TNS1: variants seen among roughly 807,000 people sequenced by gnomAD.
TNS1 encodes tensin-1.
TNS1 carries 62 observed loss-of-function variants against 168.6 expected under a neutral mutation model. That is an observed-to-expected ratio of 0.37 (90% confidence interval 0.30 to 0.45). TNS1 has a LOEUF of 0.45. Ranked by LOEUF, TNS1 falls within the 20% of genes least tolerant of loss-of-function variation. The probability of loss-of-function intolerance (pLI) is 1.00; values close to 1 mark genes in which losing one functional copy is unlikely to be tolerated. For synonymous variants in TNS1, 934 were observed against 933.2 expected, an observed-to-expected ratio of 1.00 and a Z score of -0.02; for missense variants, 2,240 against 2,339.4, an observed-to-expected ratio of 0.96 and a Z score of 0.88.
chr2:218,011,297 A>T (rs1280215956), upstream of TNS1, among the ~76,000 whole-genome samples: 1 of 152,130 alleles, frequency 6.6e-6, no homozygotes, highest in Non-Finnish European at 1.5e-5. Context: ...CTAGAGAGAG[A>T]TGGGGAGAGA....
intron 3 of TNS1, 25 bp from the exon 4 acceptor site, chr2:217,920,261 AG>A: frequency 1.4e-6 from 1 of 703,012 alleles, no homozygotes; most frequent in Non-Finnish European, 2.6e-6. Context: ...GAGAACGGGC[AG>A]GTGAGCATAT....
intron 3 of TNS1, among the ~76,000 whole-genome samples, chr2:217,974,496 G>A (rs941064134): frequency 2.0e-5 from 3 of 152,106 alleles, no homozygotes; most frequent in African/African-American, 4.8e-5. Context: ...GGTACTATTC[G>A]GGAAGCTGGG....
At chr2:217,905,235 A>G (rs1953512774) in intron 6 of TNS1, 4 of 284,340 alleles carry the variant, frequency 1.4e-5, no homozygotes, top group Non-Finnish European at 2.9e-5. Flanking sequence ...AAACATCACA[A>G]AGCGGGACAA....
chr2:217,988,146 C>T (rs1958248705), intron 2 of TNS1, among the ~76,000 whole-genome samples: 1 of 152,200 alleles, frequency 6.6e-6, no homozygotes, highest in Non-Finnish European at 1.5e-5. Flanking sequence ...TACAGTGTAG[C>T]CCTGGCTTTC....
intron 3 of TNS1, among the ~76,000 whole-genome samples, chr2:217,962,857 G>A (rs1957533043): frequency 6.6e-6 from 1 of 152,164 alleles, no homozygotes; most frequent in African/African-American, 2.4e-5. Context: ...TTGGATCCTA[G>A]ATCAGAAAAA....
At chr2:218,006,603 C>A (rs1245856008), upstream of TNS1, among the ~76,000 whole-genome samples, 1 of 152,134 alleles carries the variant, frequency 6.6e-6, no homozygotes, top group African/African-American at 2.4e-5. Context: ...TTGGGGGTCA[C>A]CTAGAAGTTC....
At chr2:217,884,540 A>G (rs975129974) in intron 16 of TNS1, among the ~76,000 whole-genome samples, 1 of 152,116 alleles carries the variant, frequency 6.6e-6, no homozygotes, top group Non-Finnish European at 1.5e-5. Context: ...ACACCCCTCC[A>G]CTACTGCTCT....
Position 218,002,880 on chromosome 2 carries a change from G to A in TNS1, c.-8C>T, listed in dbSNP as rs1958592815. ...CAGACAGATCCACGTCATCTTTGCT[G>A]GGTCCCGTCACTGAGGCACGCCCAG... On this transcript the variant is annotated 5_prime_UTR_variant, in exon 1 of 33. Transcript: ENST00000682258. 2.2e-6 allele frequency: 1 copy of A among 456,850 alleles called. No homozygotes were observed. Among genetic ancestry groups the A allele is most frequent in the Non-Finnish European group, 4.4e-6 (1 of 226,976 alleles). The allele number at this position is 456,850 out of a possible 1,614,324, so 28.3% of individuals were successfully genotyped here.
intron 22 of TNS1, among the ~76,000 whole-genome samples, chr2:217,823,460 C>T (rs1000821484): frequency 6.6e-6 from 1 of 152,218 alleles, no homozygotes; most frequent in Non-Finnish European, 1.5e-5. Flanking sequence ...GGAGCCTAGT[C>T]ACCAGGGTGC....
At chr2:217,833,655 C>G (rs73074348) in intron 21 of TNS1, among the ~76,000 whole-genome samples, 1 of 152,258 alleles carries the variant, frequency 6.6e-6, no homozygotes, top group Admixed American at 6.5e-5. Context: ...CTGGCTCTCA[C>G]GTAACCTGCT....
At chr2:217,924,772 A>T (rs1393700858) in intron 3 of TNS1, among the ~76,000 whole-genome samples, 1 of 152,256 alleles carries the variant, frequency 6.6e-6, no homozygotes, top group Non-Finnish European at 1.5e-5. Flanking sequence ...CAGGTTAATC[A>T]GCTGGGAAGG....
intron 2 of TNS1, among the ~76,000 whole-genome samples, chr2:217,980,186 G>A (rs866180935): frequency 1.3e-5 from 2 of 152,054 alleles, no homozygotes; most frequent in Non-Finnish European, 2.9e-5. Flanking sequence ...GTGACTCACC[G>A]GTGCTGAGCA....
chr2:217,834,273 C>T (rs1944867127), intron 21 of TNS1, among the ~76,000 whole-genome samples: 1 of 152,246 alleles, frequency 6.6e-6, no homozygotes, highest in South Asian at 2.1e-4. Flanking sequence ...CCAGTTCTCC[C>T]TCCTCTCACC....
intron 4 of TNS1, among the ~76,000 whole-genome samples, chr2:217,913,683 T>G (rs1954684718): frequency 6.6e-6 from 1 of 152,118 alleles, no homozygotes; most frequent in Admixed American, 6.5e-5. Flanking sequence ...TAGCCCTTAG[T>G]GCTTAGCACA....
intron 3 of TNS1, among the ~76,000 whole-genome samples, chr2:217,947,287 G>A (rs538872591): frequency 6.6e-6 from 1 of 152,156 alleles, no homozygotes; most frequent in Non-Finnish European, 1.5e-5. Flanking sequence ...TGGAACTTGG[G>A]GGAGGGAGGG....
rs1445648934 is a variant in TNS1 at position 217,848,635 on chromosome 2, C to T, written c.1882G>A (p.Asp628Asn). ...TGACCATCCTGGTTTGGCAATTCAT[C>T]GTCCAGGATGTCTGTCTCCCGCTCA... Reference protein sequence around the residue: ...ASERETDILDDELPNQDGHSA... With the variant: ...ASERETDILDNELPNQDGHSA... Residue 628 changes from aspartate to asparagine, a missense_variant, in exon 19 of 33, where the codon GAT becomes AAT. Asp to Asn is a conservative substitution (Grantham distance 23, BLOSUM62 1). Transcript: ENST00000682258. 9 of 1,614,112 alleles carry T rather than the reference C, an allele frequency of 5.6e-6. No homozygotes were observed. The East Asian group carries it at 6.7e-5, about 12-fold the overall frequency.
At chr2:217,994,241 G>A (rs1958428774) in intron 1 of TNS1, among the ~76,000 whole-genome samples, 1 of 152,140 alleles carries the variant, frequency 6.6e-6, no homozygotes, top group African/African-American at 2.4e-5. Context: ...CACTTCCCCT[G>A]GTTTCCGTCT....
chr2:217,872,889 T>G (rs986408564), intron 18 of TNS1, among the ~76,000 whole-genome samples: 1 of 152,230 alleles, frequency 6.6e-6, no homozygotes, highest in African/African-American at 2.4e-5. Context: ...CTGATACATG[T>G]TACAACGTGA....
chr2:218,015,492 G>A (rs1014506973), intron 1 of TNS1, among the ~76,000 whole-genome samples: 2 of 152,164 alleles, frequency 1.3e-5, no homozygotes, highest in Non-Finnish European at 2.9e-5. Flanking sequence ...AGTTCCTGTT[G>A]ATACCTAACC....
Sources: allele counts gnomAD v4.1 joint callset (sites outside exome capture counted in the v4.1 genomes callset), GRCh38; gene constraint gnomAD v4.1.1; transcripts MANE v1.5; gene names NCBI Gene and HGNC (gene_info 2026-07-23, HGNC 2026-07-21).